IPO9: variants seen among roughly 807,000 people sequenced by gnomAD.
IPO9 encodes the protein importin-9.
Under a neutral mutation model 128.6 loss-of-function variants are expected in IPO9, and 28 were observed. The observed-to-expected ratio is 0.22, with a 90% confidence interval of 0.16 to 0.30. The LOEUF (loss-of-function observed/expected upper bound fraction) is 0.30, where lower values mean the gene tolerates loss of function less well. Among genes scored for constraint, IPO9 ranks in the 10% least tolerant of loss-of-function variants. IPO9 has a pLI of 1.00. For missense variants in IPO9, 935 were observed against 1,293.9 expected (o/e 0.72, Z 4.26); for synonymous variants, 455 against 475.8 (o/e 0.96, Z 0.57).
At chr1:201,834,475 C>T (rs1231869280) in intron 1 of IPO9, among the ~76,000 whole-genome samples, 6 of 151,920 alleles carry the variant, frequency 3.9e-5, no homozygotes, top group African/African-American at 7.2e-5. Flanking sequence ...TTGGTGTATT[C>T]GTGCTTTATT....
chr1:201,869,003 A>G (rs552880069), intron 16 of IPO9, among the ~76,000 whole-genome samples: 2 of 152,236 alleles, frequency 1.3e-5, no homozygotes, highest in South Asian at 2.1e-4. Flanking sequence ...CTATAATTGC[A>G]GCACTTTGGG....
chr1:201,836,614 T>C (rs189172842), intron 1 of IPO9, among the ~76,000 whole-genome samples: 2 of 144,338 alleles, frequency 1.4e-5, no homozygotes, highest in East Asian at 2.0e-4. Flanking sequence ...GAAACAATTA[T>C]TTATATAGCT....
At position 201,848,384 on chromosome 1, in the gene IPO9, C is replaced by T; in HGVS notation, c.313-9C>T. 1 of 1,613,530 alleles carries T rather than the reference C, an allele frequency of 6.2e-7. No individual in the cohort carries two copies. The highest frequency in any genetic ancestry group is 8.5e-7 in the Non-Finnish European group (1 of 1,179,502). On this transcript the variant is annotated splice_polypyrimidine_tract_variant and intron_variant, in intron 3 of 23. Coordinates refer to ENST00000361565, the MANE Select transcript of IPO9 (RefSeq NM_018085.5). ...GATCTAATAGCAGGTGGACTTTTAT[C>T]CCTTACAGGCAAAAATTGTTATCCG...
chr1:201,835,893 C>T (rs1679910965), intron 1 of IPO9, among the ~76,000 whole-genome samples: 1 of 152,200 alleles, frequency 6.6e-6, no homozygotes, highest in African/African-American at 2.4e-5. Context: ...GGGCGGATCA[C>T]AAGGTCAGGA....
In IPO9 at chr1:201,829,441, C is replaced by T. The variant is rs1679786886; in HGVS notation, c.163+69C>T. 1.5e-5 allele frequency: 21 copies of T among 1,427,978 alleles called. No homozygotes were observed. In the South Asian group the frequency reaches 3.1e-4, roughly 21 times the overall value. 88.5% of individuals were successfully genotyped at this position (1,427,978 alleles called of 1,614,324 possible). ...TCCGCTGACCGCAGCTCCGTACCGG[C>T]TGGGGACATGGGGAGCCTGAGCCAG... is the stretch of plus-strand genomic sequence containing the variant. On this transcript the variant is annotated intron_variant, in intron 1 of 23. Transcript: ENST00000361565.
rs553382541 is a variant in IPO9 at position 201,869,674 on chromosome 1, G to T, written c.2089G>T (p.Val697Leu). The T allele has an allele frequency of 6.2e-7, 1 of 1,614,184 alleles. No homozygotes were observed. The highest frequency in any genetic ancestry group is 1.1e-5 in the South Asian group (1 of 91,086). Reference protein sequence around the residue: ...QLLICQAFPAVAQCTLHTDDN... With the variant: ...QLLICQAFPALAQCTLHTDDN... The stretch of plus-strand genomic sequence containing the variant: ...TCTCATCTGCCAAGCTTTCCCTGCT[G>T]TGGCACAGTGTACCCTTCACACAGA... The change falls in exon 17 of 24, where the codon GTG (valine) becomes TTG (leucine). Residue 697 changes from valine to leucine, a missense_variant. Physicochemically the swap from Val to Leu is conservative, Grantham distance 32. Coordinates refer to ENST00000361565, the MANE Select transcript of IPO9 (RefSeq NM_018085.5).
At chr1:201,866,614 C>A in intron 14 of IPO9, 119 bp from the exon 15 acceptor site, 1 of 706,440 alleles carries the variant, frequency 1.4e-6, no homozygotes, top group Non-Finnish European at 2.4e-6. Flanking sequence ...AAACTTAAAC[C>A]TAACTTTAGA....
Position 201,870,770 on chromosome 1 carries a change from C to T in IPO9, c.2321C>T (p.Ala774Val). 6.2e-7 allele frequency: 1 copy of T among 1,614,200 alleles called. No homozygotes were observed. The highest frequency in any genetic ancestry group is 8.5e-7 in the Non-Finnish European group (1 of 1,180,042). Residue 774 changes from alanine (A) to valine (V), a missense_variant, in exon 18 of 24, where the codon GCA becomes GTA. Around this residue, in one of 3 missense-constraint regions of IPO9, gnomAD observed 741 missense variants for 1,019.1 expected, o/e 0.73. Transcript: ENST00000361565. The surrounding 1 kb of genome is among the most constrained non-coding windows in gnomAD (Gnocchi z 4.9). ...CTTGTTTCCACCCTCATCTCCAAGG[C>T]AGGGCGGGAACTCGGGGAGAATCTA... is the stretch of plus-strand genomic sequence containing the variant. ...GRLVSTLISK[A>V]GRELGENLDQ...
rs1383518205 is a variant in IPO9 at position 201,880,527 on chromosome 1, A to C, written c.*4473A>C. Reference sequence around the variant, plus strand: ...GGGAAGTTCAAGGATGGTCCAGTGAAATACATACTATACTTTTGCACCCCA... The same window carrying C: ...GGGAAGTTCAAGGATGGTCCAGTGACATACATACTATACTTTTGCACCCCA... On this transcript the variant is annotated 3_prime_UTR_variant, in exon 24 of 24. Coordinates refer to ENST00000361565, the MANE Select transcript of IPO9 (RefSeq NM_018085.5). 1 of 152,242 alleles carries C rather than the reference A, an allele frequency of 6.6e-6. No homozygotes were observed. Among genetic ancestry groups the C allele is most frequent in the Non-Finnish European group, 1.5e-5 (1 of 68,044 alleles). 9.4% of individuals were successfully genotyped at this position (152,242 alleles called of 1,614,324 possible).
intron 4 of IPO9, among the ~76,000 whole-genome samples, chr1:201,849,497 C>T (rs1054754638): frequency 1.3e-5 from 2 of 152,186 alleles, no homozygotes; most frequent in African/African-American, 2.4e-5. Context: ...AGAAGTCCCA[C>T]CAATATCTTA....
Position 201,866,770 on chromosome 1 carries a change from G to A in IPO9, c.1666G>A (p.Val556Met), listed in dbSNP as rs1680561251. The A allele has an allele frequency of 2.5e-6, 4 of 1,613,852 alleles. No individual in the cohort carries two copies. Among genetic ancestry groups the A allele is most frequent in the South Asian group, 2.2e-5 (2 of 91,082 alleles). ...ACTGAAAGTCTCAGAGAGTACCCAC[G>A]TGCTCCAGCCCTTCCTCCCCAGCAT... is the stretch of plus-strand genomic sequence containing the variant. ...DQLKVSESTHVLQPFLPSILD... is the reference protein window; with the variant it reads ...DQLKVSESTHMLQPFLPSILD... Residue 556 changes from valine (V) to methionine (M), a missense_variant, in exon 15 of 24, where the codon GTG becomes ATG. Transcript: ENST00000361565.
At chr1:201,850,540 C>T (rs890856541) in intron 4 of IPO9, 2 of 152,134 alleles carry the variant, frequency 1.3e-5, no homozygotes, top group African/African-American at 2.4e-5. Flanking sequence ...GCTTTTTCTT[C>T]GTTCTCAAAG....
chr1:201,842,822 T>C (rs750741627), intron 1 of IPO9, among the ~76,000 whole-genome samples: 1 of 152,208 alleles, frequency 6.6e-6, no homozygotes, highest in African/African-American at 2.4e-5. Context: ...CCTTTCATTC[T>C]TGTGAGGTTG....
rs1005865830 is a variant in IPO9, at chr1:201,883,573, T to C, written c.*7519T>C. The C allele has an allele frequency of 2.0e-5, 3 of 152,132 alleles. No homozygotes were observed. The highest frequency in any genetic ancestry group is 2.0e-4 in the Admixed American group (3 of 15,266). The allele number at this position is 152,132 out of a possible 1,614,324, so 9.4% of individuals were successfully genotyped here. ...GCACACAGACCAACACTTCTGAATT[T>C]GCAAGCTTAAGAGCATGTATGAGCA... On this transcript the variant is annotated 3_prime_UTR_variant, in exon 24 of 24. Transcript: ENST00000361565.
Position 201,829,348 on chromosome 1 carries a change from A to G in IPO9, c.139A>G (p.Ile47Val), listed in dbSNP as rs1368178660. The G allele has an allele frequency of 6.3e-7, 1 of 1,583,916 alleles. No homozygotes were observed. Among genetic ancestry groups the G allele is most frequent in the Non-Finnish European group, 8.6e-7 (1 of 1,166,758 alleles). Residue 47 changes from isoleucine (I) to valine (V), a missense_variant, in exon 1 of 24, where the codon ATT becomes GTT. Around this residue, in one of 3 missense-constraint regions of IPO9, gnomAD observed 741 missense variants for 1,019.1 expected, o/e 0.73. Transcript: ENST00000361565. ...GGTGCGGGCGGCTGCTGAAGAACAG[A>G]TTAAGGTGCTGGAGGTGACGGAGGG... ...QEVRAAAEEQ[I>V]KVLEVTEEFG...
rs1404646239 is a variant in IPO9, at chr1:201,854,825, A to T, written c.813A>T (p.Ala271=). The change falls in exon 8 of 24, where the codon GCA becomes GCT. Residue 271 remains alanine, a splice_region_variant and synonymous_variant. Coordinates refer to ENST00000361565, the MANE Select transcript of IPO9 (RefSeq NM_018085.5). ...DSGFKMEVLK[A]VTALVKNFPK... Reference sequence around the variant, plus strand: ...GTCCTTTTCTCTTAACTTCTTAGGCAGTGACAGCCCTAGTGAAAAACTTCC... The same window carrying T: ...GTCCTTTTCTCTTAACTTCTTAGGCTGTGACAGCCCTAGTGAAAAACTTCC... 6.2e-7 allele frequency: 1 copy of T among 1,606,526 alleles called. No individual in the cohort carries two copies. Among genetic ancestry groups the T allele is most frequent in the Non-Finnish European group, 8.5e-7 (1 of 1,177,580 alleles).
At chr1:201,867,328 A>G (rs1433016906) in intron 15 of IPO9, among the ~76,000 whole-genome samples, 1 of 152,178 alleles carries the variant, frequency 6.6e-6, no homozygotes, top group East Asian at 1.9e-4. Flanking sequence ...GGAGATACTA[A>G]AGAAAGATAT....
chr1:201,843,756 A>T (rs1680082956), intron 1 of IPO9, among the ~76,000 whole-genome samples: 1 of 151,422 alleles, frequency 6.6e-6, no homozygotes, highest in Non-Finnish European at 1.5e-5. Flanking sequence ...TGAACCCAGG[A>T]GACAGAGGTT....
intron 6 of IPO9, among the ~76,000 whole-genome samples, chr1:201,853,345 G>C (rs917620408): frequency 5.4e-5 from 8 of 149,268 alleles, no homozygotes; most frequent in African/African-American, 2.0e-4. Flanking sequence ...GTGATCCCCT[G>C]ACCCCCAGTA....
Sources: allele counts gnomAD v4.1 joint callset (sites outside exome capture counted in the v4.1 genomes callset), GRCh38; gene constraint gnomAD v4.1.1; regional missense constraint gnomAD v4.1.1; non-coding constraint Gnocchi (gnomAD v3.1); transcripts MANE v1.5; gene names NCBI Gene and HGNC (gene_info 2026-07-23, HGNC 2026-07-21).